E2F5: variants seen among roughly 807,000 people sequenced by gnomAD.
E2F5 encodes the protein transcription factor E2F5.
In E2F5, 23 loss-of-function variants were observed where a neutral mutation model predicts 39.1. The observed-to-expected ratio is 0.59, with a 90% CI of 0.42 to 0.83. The LOEUF is 0.83. Among genes scored for constraint, E2F5 ranks in the 40% least tolerant of loss-of-function variants. The pLI, the probability that E2F5 is intolerant of heterozygous loss-of-function variation, is 0.00. For missense variants in E2F5, 365 were observed against 406.7 expected (o/e 0.90, Z 0.88); for synonymous variants, 145 against 157.8 (o/e 0.92, Z 0.61).
intron 1 of E2F5, among the ~76,000 whole-genome samples, chr8:85,185,476 C>T (rs1359641124): frequency 2.0e-5 from 3 of 152,056 alleles, no homozygotes; most frequent in Admixed American, 2.0e-4. Context: ...GTCTAAAACA[C>T]GAAAAGCAAT....
At chr8:85,199,304 C>T (rs1812643261) in intron 1 of E2F5, among the ~76,000 whole-genome samples, 1 of 152,136 alleles carries the variant, frequency 6.6e-6, no homozygotes, top group Non-Finnish European at 1.5e-5. Context: ...ACAGGGGTCT[C>T]CTACTCCATT....
intron 1 of E2F5, among the ~76,000 whole-genome samples, chr8:85,180,417 G>T (rs1812177979): frequency 6.7e-6 from 1 of 150,042 alleles, no homozygotes; most frequent in Non-Finnish European, 1.5e-5. Flanking sequence ...ATTTTCTCTT[G>T]TATTCTTACT....
chr8:85,197,137 G>A lies in E2F5; in HGVS notation c.235-5010G>A, dbSNP rs374127209. ...CTGCTTCATCATAGTGTTCGTTTCT[G>A]AATCACAGTAGCTAAACTATTGAGT... On this transcript the variant is annotated intron_variant, in intron 1 of 7. Coordinates refer to ENST00000416274, the MANE Select transcript of E2F5 (RefSeq NM_001951.4). Among the ~76,000 whole-genome samples the A allele has an allele frequency of 4.6e-5, 7 of 152,282 alleles. No individual in the cohort carries two copies. The East Asian group carries it at 9.6e-4, about 21-fold the overall frequency.
chr8:85,199,371 A>G (rs1812644690), intron 1 of E2F5, among the ~76,000 whole-genome samples: 2 of 152,142 alleles, frequency 1.3e-5, no homozygotes, highest in Admixed American at 1.3e-4. Context: ...CCTATTTGAT[A>G]TAGCACCTTC....
chr8:85,206,141 G>A (rs373180381), intron 3 of E2F5, 36 bp from the exon 4 acceptor site: 20 of 1,598,460 alleles, frequency 1.3e-5, no homozygotes, highest in Non-Finnish European at 1.5e-5. Flanking sequence ...CCTACGGCTT[G>A]ATATAAATGT....
chr8:85,198,185 G>A (rs1009947621), intron 1 of E2F5, among the ~76,000 whole-genome samples: 1 of 151,968 alleles, frequency 6.6e-6, no homozygotes, highest in Non-Finnish European at 1.5e-5. Context: ...ATTATCTAAG[G>A]ACAGTCCTCA....
At chr8:85,209,580 A>G (rs1290765760) in intron 6 of E2F5, among the ~76,000 whole-genome samples, 171 bp downstream of exon 6, 5 of 152,224 alleles carry the variant, frequency 3.3e-5, no homozygotes, top group Non-Finnish European at 5.9e-5. Flanking sequence ...GTCTAAACAC[A>G]GTATTCATTT....
At position 85,207,508 on chromosome 8, in the gene E2F5, G is replaced by A. The variant is rs921012679; in HGVS notation, c.615+19G>A. The A allele has an allele frequency of 2.0e-6, 3 of 1,532,712 alleles. No individual in the cohort carries two copies. Among genetic ancestry groups the A allele is most frequent in the African/African-American group, 2.8e-5 (2 of 72,572 alleles). 94.9% of individuals were successfully genotyped at this position (1,532,712 alleles called of 1,614,324 possible). ...AGAAATGGTATGTAGGATAACTTAT[G>A]TTTATATAAGTGGGAAAAATGAATC... is the stretch of plus-strand genomic sequence containing the variant. On this transcript the variant is annotated intron_variant, in intron 5 of 7. Transcript: ENST00000416274.
At chr8:85,187,399 A>G (rs4150868) in intron 1 of E2F5, among the ~76,000 whole-genome samples, 96,622 of 151,876 alleles carry the variant, frequency 0.64, 31,412 homozygotes, top group Non-Finnish European at 0.69. Flanking sequence ...GAAATCCCCT[A>G]CTATTGTTGT....
chr8:85,183,094 A>G (rs4150850), intron 1 of E2F5, among the ~76,000 whole-genome samples: 1 of 152,176 alleles, frequency 6.6e-6, no homozygotes, highest in Admixed American at 6.5e-5. Context: ...TACTAAAAAT[A>G]CAAAAAAATT....
rs762996921 is a variant in E2F5, at chr8:85,214,131, T to G, written c.*269T>G. 8 of 551,858 alleles carry G rather than the reference T, an allele frequency of 1.4e-5. No homozygotes were observed. Among genetic ancestry groups the G allele is most frequent in the Non-Finnish European group, 2.0e-5 (6 of 293,408 alleles). The allele number at this position is 551,858 out of a possible 1,614,324, so 34.2% of individuals were successfully genotyped here. On this transcript the variant is annotated 3_prime_UTR_variant, in exon 8 of 8. Coordinates refer to ENST00000416274, the MANE Select transcript of E2F5 (RefSeq NM_001951.4). ...TCTGGATTTCAACTTTTCTTCTAAT[T>G]GTGAATCCTTCTGTTTTTTCTTCTT... is the stretch of plus-strand genomic sequence containing the variant.
intron 1 of E2F5, among the ~76,000 whole-genome samples, chr8:85,201,611 G>A (rs4150932): frequency 6.6e-6 from 1 of 152,154 alleles, no homozygotes; most frequent in African/African-American, 2.4e-5. Flanking sequence ...GTGTTAGGAT[G>A]GCATGATTCA....
chr8:85,181,039 G>C (rs1812202351), intron 1 of E2F5, among the ~76,000 whole-genome samples: 1 of 151,542 alleles, frequency 6.6e-6, no homozygotes, highest in Non-Finnish European at 1.5e-5. Context: ...CATTATGCCT[G>C]GCTTATTTTT....
In E2F5 at chr8:85,177,210, G is replaced by T. The variant is rs577731134; in HGVS notation, c.-211G>T. ...TCGTGGGCCTCATTCACGCTTCCCCGGGCTTGGGGAGGGGGCGGAGGCCCG... is the reference window on the plus strand; with the variant it reads ...TCGTGGGCCTCATTCACGCTTCCCCTGGCTTGGGGAGGGGGCGGAGGCCCG... On this transcript the variant is annotated 5_prime_UTR_variant, in exon 1 of 8. Coordinates refer to ENST00000416274, the MANE Select transcript of E2F5 (RefSeq NM_001951.4). 4.1e-5 allele frequency: 9 copies of T among 221,908 alleles called. No homozygotes were observed. Among genetic ancestry groups the T allele is most frequent in the Non-Finnish European group, 6.1e-5 (8 of 131,836 alleles). 13.7% of individuals were successfully genotyped at this position (221,908 alleles called of 1,614,324 possible). A position where few individuals can be genotyped will look rare whatever the true frequency, so the allele number is the denominator to read the frequency against.
At chr8:85,196,915 CTCA>C (rs1812594034) in intron 1 of E2F5, among the ~76,000 whole-genome samples, 1 of 152,038 alleles carries the variant, frequency 6.6e-6, no homozygotes, top group African/African-American at 2.4e-5. Context: ...TAGTCCAAAC[CTCA>C]TCATGAAATA....
chr8:85,182,119 A>G (rs1202579884), intron 1 of E2F5, among the ~76,000 whole-genome samples: 11 of 152,224 alleles, frequency 7.2e-5, no homozygotes. Flanking sequence ...AGTCTCATTT[A>G]CAATAGTGGA....
chr8:85,202,968 A>T, intron 2 of E2F5, 126 bp from the exon 3 acceptor site: 1 of 691,864 alleles, frequency 1.4e-6, no homozygotes, highest in Non-Finnish European at 2.1e-6. Context: ...TTAGTGCTTG[A>T]TTTTAAGAGT....
intron 1 of E2F5, among the ~76,000 whole-genome samples, chr8:85,181,913 A>T (rs985163776): frequency 1.3e-5 from 2 of 151,848 alleles, no homozygotes; most frequent in African/African-American, 4.8e-5. Context: ...GTGAGCCGAG[A>T]TCGCACCACT....
Position 85,177,629 on chromosome 8 carries a change from A to C in E2F5, c.209A>C (p.Lys70Thr), listed in dbSNP as rs776105257. 2.3e-6 allele frequency: 3 copies of C among 1,296,028 alleles called. No homozygotes were observed. The highest frequency in any genetic ancestry group is 2.9e-6 in the Non-Finnish European group (3 of 1,017,578). The allele number at this position is 1,296,028 out of a possible 1,614,324, so 80.3% of individuals were successfully genotyped here. The change falls in exon 1 of 8, where the codon AAG becomes ACG. Residue 70 changes from lysine (K) to threonine (T), a missense_variant. By Grantham distance (78) the Lys-to-Thr change is moderately conservative (BLOSUM62 -1). Coordinates refer to ENST00000416274, the MANE Select transcript of E2F5 (RefSeq NM_001951.4). ...TKFVSLLQEA[K>T]DGVLDLKAAA... ...TTCGTGTCGCTGCTGCAGGAGGCCAAGGACGGCGTTCTGGATCTCAAAGCG... is the reference window on the plus strand; with the variant it reads ...TTCGTGTCGCTGCTGCAGGAGGCCACGGACGGCGTTCTGGATCTCAAAGCG...
Sources: allele counts gnomAD v4.1 joint callset (sites outside exome capture counted in the v4.1 genomes callset), GRCh38; gene constraint gnomAD v4.1.1; transcripts MANE v1.5; gene names NCBI Gene and HGNC (gene_info 2026-07-23, HGNC 2026-07-21).